The following RAD51B variants were observed in gnomAD, a reference collection of about 807,000 sequenced individuals.
RAD51B encodes the protein RAD51 paralog B.
Under a neutral mutation model 42.2 loss-of-function variants are expected in RAD51B, and 38 were observed. The observed-to-expected ratio is 0.90, with a 90% CI of 0.70 to 1.18. The LOEUF is 1.18. Among genes scored for constraint, RAD51B ranks in the 50% most tolerant of loss-of-function variants. RAD51B has a pLI of 0.00. For missense variants in RAD51B, 373 were observed against 400.7 expected (o/e 0.93, Z 0.59); for synonymous variants, 154 against 145.2 (o/e 1.06, Z -0.43).
intron 7 of RAD51B, among the ~76,000 whole-genome samples, chr14:68,210,127 T>G (rs113384555): frequency 0.019 from 2,943 of 152,064 alleles, 104 homozygotes; most frequent in African/African-American, 0.068. Context: ...GCCCAGCTAA[T>G]TTTTGTATTT....
intron 7 of RAD51B, among the ~76,000 whole-genome samples, chr14:68,274,394 C>T (rs2139598825): frequency 6.6e-6 from 1 of 152,300 alleles, no homozygotes. Flanking sequence ...TCTCTACCCA[C>T]ATCTCCTATC....
chr14:67,961,525 G>C (rs2074667113), intron 7 of RAD51B, among the ~76,000 whole-genome samples: 1 of 152,160 alleles, frequency 6.6e-6, no homozygotes, highest in Admixed American at 6.5e-5. Flanking sequence ...CATACACATA[G>C]CTTGAGGAAG....
At chr14:67,936,685 A>G (rs1349027776) in intron 7 of RAD51B, among the ~76,000 whole-genome samples, 1 of 152,180 alleles carries the variant, frequency 6.6e-6, no homozygotes, top group Non-Finnish European at 1.5e-5. Flanking sequence ...CACTTTTCCA[A>G]AGTCCTACCA....
chr14:68,097,827 A>C (rs1276087765), intron 7 of RAD51B, among the ~76,000 whole-genome samples: 1 of 152,212 alleles, frequency 6.6e-6, no homozygotes, highest in Non-Finnish European at 1.5e-5. Flanking sequence ...ACATCATTCC[A>C]GGATTCATTT....
At chr14:68,681,029 C>CT (rs1311162013) in intron 11 of RAD51B, among the ~76,000 whole-genome samples, 5 of 152,146 alleles carry the variant, frequency 3.3e-5, no homozygotes, top group Non-Finnish European at 5.9e-5. Context: ...GATATTCAAG[C>CT]TAAAGAACCT....
At chr14:68,298,576 G>A (rs1002440187) in intron 8 of RAD51B, among the ~76,000 whole-genome samples, 1 of 152,212 alleles carries the variant, frequency 6.6e-6, no homozygotes. Flanking sequence ...AGAATTTACT[G>A]TCTAATTTCT....
At chr14:68,244,574 G>A (rs575715124) in intron 7 of RAD51B, among the ~76,000 whole-genome samples, 33 of 152,330 alleles carry the variant, frequency 2.2e-4, no homozygotes, top group African/African-American at 7.9e-4. Flanking sequence ...TGTATTGTTA[G>A]AGAATAATTA....
chr14:67,904,238 T>C (rs756855741), intron 7 of RAD51B, among the ~76,000 whole-genome samples: 1 of 152,128 alleles, frequency 6.6e-6, no homozygotes, highest in Non-Finnish European at 1.5e-5. Flanking sequence ...GTCTTTATGG[T>C]AGAATCCTTA....
At chr14:68,229,698 G>A (rs1174335968) in intron 7 of RAD51B, among the ~76,000 whole-genome samples, 2 of 148,272 alleles carry the variant, frequency 1.3e-5, no homozygotes, top group South Asian at 2.1e-4. Flanking sequence ...GGCCTTTGGC[G>A]TGTACCTGTT....
chr14:68,490,639 T>G (rs536954398), intron 10 of RAD51B, among the ~76,000 whole-genome samples: 3 of 152,322 alleles, frequency 2.0e-5, no homozygotes, highest in Non-Finnish European at 4.4e-5. Flanking sequence ...ATTCTATTAT[T>G]CAGACTCCAC....
intron 8 of RAD51B, among the ~76,000 whole-genome samples, chr14:68,334,343 T>C (rs563278503): frequency 6.6e-6 from 1 of 152,330 alleles, no homozygotes; most frequent in East Asian, 1.9e-4. Flanking sequence ...AAAGAAAATG[T>C]TATTAAGAAA....
chr14:68,214,980 T>C (rs2079784157), intron 7 of RAD51B, among the ~76,000 whole-genome samples: 1 of 152,236 alleles, frequency 6.6e-6, no homozygotes, highest in African/African-American at 2.4e-5. Context: ...CTTGATATTC[T>C]GAGAAGCTGA....
At chr14:68,202,816 A>G (rs2079516749) in intron 7 of RAD51B, among the ~76,000 whole-genome samples, 2 of 151,992 alleles carry the variant, frequency 1.3e-5, no homozygotes. Context: ...TCCCAACCTC[A>G]GGTGATCTGC....
chr14:68,327,046 G>A (rs759034979), intron 8 of RAD51B, among the ~76,000 whole-genome samples: 9 of 152,158 alleles, frequency 5.9e-5, no homozygotes, highest in Non-Finnish European at 1.0e-4. Flanking sequence ...CACAGGCCAG[G>A]TCCCAGGGCA....
downstream of RAD51B, among the ~76,000 whole-genome samples, chr14:68,615,865 C>T (rs1017157912): frequency 3.3e-5 from 5 of 152,054 alleles, no homozygotes; most frequent in African/African-American, 9.7e-5. Context: ...TAGTGCCTGA[C>T]CTTTAATTGG....
chr14:68,498,988 C>T (rs1884735710), intron 10 of RAD51B, among the ~76,000 whole-genome samples: 1 of 152,118 alleles, frequency 6.6e-6, no homozygotes, highest in African/African-American at 2.4e-5. Context: ...CAACAGGGGT[C>T]AGAGAGCAAG....
intron 7 of RAD51B, among the ~76,000 whole-genome samples, chr14:68,118,973 T>A (rs548467565): frequency 6.6e-6 from 1 of 152,216 alleles, no homozygotes; most frequent in East Asian, 1.9e-4. Context: ...TTTTTTTTTA[T>A]TGAGACAAAG....
At chr14:67,827,218 A>C (rs2040864544) in intron 3 of RAD51B, among the ~76,000 whole-genome samples, 1 of 152,196 alleles carries the variant, frequency 6.6e-6, no homozygotes, top group African/African-American at 2.4e-5. Context: ...AAGGTTGTAA[A>C]GCACCAGAAA....
intron 10 of RAD51B, among the ~76,000 whole-genome samples, chr14:68,566,257 G>C (rs1889414093): frequency 6.6e-6 from 1 of 152,216 alleles, no homozygotes; most frequent in Non-Finnish European, 1.5e-5. Flanking sequence ...AATGACTGCT[G>C]ACTGGTTTCC....
Sources: allele counts gnomAD v4.1 joint callset (sites outside exome capture counted in the v4.1 genomes callset), GRCh38; gene constraint gnomAD v4.1.1; transcripts MANE v1.5; gene names NCBI Gene and HGNC (gene_info 2026-07-23, HGNC 2026-07-21).